Variants in SRD5A2 observed in about 807,000 individuals in gnomAD.
SRD5A2 encodes the protein 3-oxo-5-alpha-steroid 4-dehydrogenase 2.
In SRD5A2, 30 loss-of-function variants were observed where a neutral mutation model predicts 27.4. The observed-to-expected ratio is 1.10, with a 90% CI of 0.82 to 1.49. The LOEUF (loss-of-function observed/expected upper bound fraction) is 1.49. SRD5A2 is among the 40% of genes most tolerant of loss of function. The pLI is 0.00. For synonymous variants in SRD5A2, 141 were observed against 133.6 expected, an observed-to-expected ratio of 1.06 and a Z score of -0.38; for missense variants, 348 against 323.4, an observed-to-expected ratio of 1.08 and a Z score of -0.58.
Position 31,526,187 on chromosome 2 carries a change from T to C in SRD5A2, c.*9A>G, listed in dbSNP as rs1355343890. ...TGTGGGAGCTCTGCTCCTTTTTAATTTGGTTCCTTTAAAAGATGAATGGAA... is the reference window on the plus strand; with the variant it reads ...TGTGGGAGCTCTGCTCCTTTTTAATCTGGTTCCTTTAAAAGATGAATGGAA... On this transcript the variant is annotated 3_prime_UTR_variant, in exon 5 of 5. Coordinates refer to ENST00000622030, the MANE Select transcript of SRD5A2 (RefSeq NM_000348.4). The C allele has an allele frequency of 6.4e-7, 1 of 1,561,190 alleles. No homozygotes were observed. Among genetic ancestry groups the C allele is most frequent in the Admixed American group, 1.8e-5 (1 of 54,926 alleles).
the SRD5A2 span, among the ~76,000 whole-genome samples, chr2:31,656,143 A>C: frequency 6.6e-6 from 1 of 152,236 alleles, no homozygotes; most frequent in Admixed American, 6.5e-5. Flanking sequence ...CACAACAGTG[A>C]ATAGTAGTGA....
chr2:31,612,949 A>C, the SRD5A2 span, among the ~76,000 whole-genome samples: 1 of 152,202 alleles, frequency 6.6e-6, no homozygotes, highest in African/African-American at 2.4e-5. Context: ...TGGTGTAGAG[A>C]AACTGGACAT....
At chr2:31,608,034 C>T in the SRD5A2 span, among the ~76,000 whole-genome samples, 459 of 152,122 alleles carry the variant, frequency 3.0e-3, 4 homozygotes, top group African/African-American at 0.01. Context: ...GCACCTTGAC[C>T]TTTGGATTCC....
chr2:31,551,145 C>G (rs969244059), intron 1 of SRD5A2, among the ~76,000 whole-genome samples: 1 of 151,858 alleles, frequency 6.6e-6, no homozygotes, highest in African/African-American at 2.4e-5. Context: ...GTAAATCTAA[C>G]CAAACATGTA....
the SRD5A2 span, among the ~76,000 whole-genome samples, chr2:31,601,777 A>T: frequency 6.6e-6 from 1 of 152,242 alleles, no homozygotes; most frequent in African/African-American, 2.4e-5. Flanking sequence ...AATCAATGTG[A>T]TTCATCACAT....
intron 1 of SRD5A2, among the ~76,000 whole-genome samples, chr2:31,536,129 G>A (rs1431086040): frequency 6.6e-6 from 1 of 152,190 alleles, no homozygotes; most frequent in Non-Finnish European, 1.5e-5. Flanking sequence ...TCACACTCCA[G>A]GAAAGCTTTG....
the SRD5A2 span, among the ~76,000 whole-genome samples, chr2:31,631,445 G>C: frequency 6.6e-6 from 1 of 152,014 alleles, no homozygotes; most frequent in African/African-American, 2.4e-5. Context: ...AAATGACTAG[G>C]GGTACTGGCA....
chr2:31,553,951 G>T (rs1666436904), intron 1 of SRD5A2, among the ~76,000 whole-genome samples: 1 of 152,106 alleles, frequency 6.6e-6, no homozygotes, highest in Admixed American at 6.6e-5. Context: ...TTTGATAAGA[G>T]AACTGAAAAG....
At chr2:31,602,318 A>T in the SRD5A2 span, among the ~76,000 whole-genome samples, 3 of 152,184 alleles carry the variant, frequency 2.0e-5, no homozygotes, top group South Asian at 4.1e-4. Context: ...CACAATTGCC[A>T]CAAAAAGAAT....
chr2:31,650,513 T>C, the SRD5A2 span, among the ~76,000 whole-genome samples: 1 of 152,192 alleles, frequency 6.6e-6, no homozygotes, highest in South Asian at 2.1e-4. Context: ...ATAGTTTCTC[T>C]ATGGAACACA....
intron 1 of SRD5A2, among the ~76,000 whole-genome samples, chr2:31,572,168 T>C (rs938441305): frequency 2.0e-5 from 3 of 152,220 alleles, no homozygotes. Flanking sequence ...AATGAGATCA[T>C]GTCCTTTGCA....
At chr2:31,600,207 C>T in the SRD5A2 span, among the ~76,000 whole-genome samples, 17 of 151,958 alleles carry the variant, frequency 1.1e-4, no homozygotes, top group East Asian at 5.8e-4. Flanking sequence ...TATATATGTG[C>T]CACATTTTTT....
At chr2:31,562,791 T>C (rs578260438) in intron 1 of SRD5A2, among the ~76,000 whole-genome samples, 1 of 152,228 alleles carries the variant, frequency 6.6e-6, no homozygotes, top group Admixed American at 6.5e-5. Context: ...TATACCCATG[T>C]AACAAACCTG....
the SRD5A2 span, among the ~76,000 whole-genome samples, chr2:31,634,645 T>C: frequency 0.05 from 7,622 of 152,216 alleles, 281 homozygotes; most frequent in Non-Finnish European, 0.081. Flanking sequence ...TTAGTGGTAA[T>C]AAATACATTC....
At chr2:31,536,810 C>G (rs1318038471) in intron 1 of SRD5A2, among the ~76,000 whole-genome samples, 1 of 152,196 alleles carries the variant, frequency 6.6e-6, no homozygotes, top group Non-Finnish European at 1.5e-5. Context: ...CCCTTCAGAT[C>G]CCATGCTCCA....
upstream of SRD5A2, among the ~76,000 whole-genome samples, chr2:31,581,461 C>T (rs1351070334): frequency 6.6e-6 from 1 of 152,178 alleles, no homozygotes; most frequent in Non-Finnish European, 1.5e-5. Flanking sequence ...CGTCTGCCAG[C>T]CCTTCTGCTC....
At chr2:31,605,359 C>A in the SRD5A2 span, among the ~76,000 whole-genome samples, 1,236 of 151,750 alleles carry the variant, frequency 8.1e-3, 18 homozygotes, top group Non-Finnish European at 0.012. Flanking sequence ...AAGAGACAAC[C>A]CACAGAATGG....
At chr2:31,662,892 T>A in the SRD5A2 span, among the ~76,000 whole-genome samples, 1 of 152,116 alleles carries the variant, frequency 6.6e-6, no homozygotes, top group East Asian at 1.9e-4. Flanking sequence ...CACTTGGTGA[T>A]CTGATTGGAG....
chr2:31,627,936 GA>G, the SRD5A2 span, among the ~76,000 whole-genome samples: 1 of 152,094 alleles, frequency 6.6e-6, no homozygotes, highest in Non-Finnish European at 1.5e-5. Context: ...CAGATGAGAA[GA>G]ATGTATATTC....
Sources: gnomAD v4.1 joint callset for allele counts (sites outside exome capture counted in the v4.1 genomes callset) on GRCh38, gnomAD v4.1.1 for gene constraint, MANE v1.5 for transcripts, NCBI Gene and HGNC (gene_info 2026-07-23, HGNC 2026-07-21) for gene names.